Variants in ACSL6 observed in about 807,000 individuals in gnomAD.
ACSL6 encodes the protein long-chain-fatty-acid--CoA ligase 6.
A neutral mutation model predicts 98.2 loss-of-function variants in ACSL6; 47 were observed. That is an observed-to-expected ratio of 0.48 (90% CI 0.38 to 0.61). ACSL6 has a LOEUF of 0.61. ACSL6 is among the 20% of genes least tolerant of loss of function. The probability of loss-of-function intolerance (pLI) is 0.00; values close to 1 mark genes in which losing one functional copy is unlikely to be tolerated. For synonymous variants in ACSL6, 362 were observed against 336.9 expected (o/e 1.07, Z -0.82); for missense variants, 761 against 913.4 (o/e 0.83, Z 2.15).
rs1251537381 is a variant in ACSL6 at position 131,952,499 on chromosome 5, A to C, written c.*1735T>G. On this transcript the variant is annotated 3_prime_UTR_variant, in exon 21 of 21. Coordinates refer to ENST00000651883, the MANE Select transcript of ACSL6 (RefSeq NM_001009185.3). ...ACTGCTTGGCATTCCTCCAAGGGAA[A>C]GGAGCTTCTAGACTACAAACACTGA... is the stretch of plus-strand genomic sequence containing the variant. The C allele has an allele frequency of 4.6e-6, 1 of 215,900 alleles. No individual in the cohort carries two copies. The highest frequency in any genetic ancestry group is 9.3e-6 in the Non-Finnish European group (1 of 107,296). 13.4% of individuals were successfully genotyped at this position (215,900 alleles called of 1,614,324 possible).
chr5:131,999,174 G>C (rs1754938622), intron 1 of ACSL6, among the ~76,000 whole-genome samples: 3 of 152,138 alleles, frequency 2.0e-5, no homozygotes, highest in Admixed American at 6.5e-5. Flanking sequence ...GTATTCCGGT[G>C]CTGAACTGAC....
intron 5 of ACSL6, 51 bp downstream of exon 5, chr5:131,989,356 C>A: frequency 1.3e-6 from 2 of 1,554,912 alleles, no homozygotes; most frequent in Middle Eastern, 1.7e-4. Flanking sequence ...TCCATGGCAG[C>A]CAACCCCTAC....
chr5:131,976,158 C>T, intron 10 of ACSL6: 1 of 985,402 alleles, frequency 1.0e-6, no homozygotes, highest in Non-Finnish European at 1.2e-6. Context: ...GCCAAGACAT[C>T]AAAGCTTTTT....
At chr5:131,995,201 T>C (rs1420164914) in intron 1 of ACSL6, among the ~76,000 whole-genome samples, 1 of 152,118 alleles carries the variant, frequency 6.6e-6, no homozygotes, top group Non-Finnish European at 1.5e-5. Flanking sequence ...GGAAGGTCTC[T>C]GTGAGAAGCA....
chr5:131,960,661 G>A, intron 18 of ACSL6, 40 bp from the exon 19 acceptor site: 2 of 1,510,882 alleles, frequency 1.3e-6, no homozygotes, highest in Non-Finnish European at 1.8e-6. Flanking sequence ...CATGACAAAT[G>A]CATTTAAAGT....
At chr5:131,959,428 G>T in intron 20 of ACSL6, 108 bp downstream of exon 20, 1 of 1,218,634 alleles carries the variant, frequency 8.2e-7, no homozygotes, top group East Asian at 2.4e-5. Flanking sequence ...GCCTGCTGGC[G>T]GGCCACACCA....
intron 2 of ACSL6, chr5:131,993,619 G>A (rs1212686533): frequency 4.4e-6 from 1 of 228,502 alleles, no homozygotes; most frequent in Non-Finnish European, 8.7e-6. Flanking sequence ...CCATGTGTGA[G>A]TCCATGTACT....
At chr5:131,990,016 G>A (rs1754419563) in intron 4 of ACSL6, 84 bp downstream of exon 4, 2 of 1,423,218 alleles carry the variant, frequency 1.4e-6, no homozygotes, top group East Asian at 4.6e-5. Context: ...CTGAGACCCA[G>A]CAGGTGCCCA....
At chr5:131,999,089 A>G (rs1754933429) in intron 1 of ACSL6, among the ~76,000 whole-genome samples, 1 of 152,218 alleles carries the variant, frequency 6.6e-6, no homozygotes, top group Non-Finnish European at 1.5e-5. Context: ...CTCTGAAAAG[A>G]AAACTACAAC....
At chr5:131,981,676 A>G (rs1753901207) in intron 9 of ACSL6, among the ~76,000 whole-genome samples, 1 of 152,216 alleles carries the variant, frequency 6.6e-6, no homozygotes. Flanking sequence ...CATTTGAATT[A>G]TTTCCAGATT....
chr5:131,969,518 C>T (rs970259141), intron 15 of ACSL6, among the ~76,000 whole-genome samples: 1 of 151,448 alleles, frequency 6.6e-6, no homozygotes, highest in Non-Finnish European at 1.5e-5. Flanking sequence ...AAGTTATGCA[C>T]AAAAGAAGTA....
At chr5:132,001,375 A>G (rs1450966993) in intron 1 of ACSL6, among the ~76,000 whole-genome samples, 1 of 152,108 alleles carries the variant, frequency 6.6e-6, no homozygotes, top group African/African-American at 2.4e-5. Flanking sequence ...CCCTCTCCAC[A>G]CAGGGATTCA....
At chr5:131,985,552 G>T in intron 8 of ACSL6, 94 bp from the exon 9 acceptor site, 1 of 1,292,980 alleles carries the variant, frequency 7.7e-7, no homozygotes, top group Non-Finnish European at 1.1e-6. Context: ...AGGCCCATAT[G>T]TATGCTGTAT....
chr5:131,992,974 C>T (rs748051991), intron 2 of ACSL6, among the ~76,000 whole-genome samples: 1 of 152,202 alleles, frequency 6.6e-6, no homozygotes, highest in South Asian at 2.1e-4. Context: ...AGAAACTGCC[C>T]AGGGCCATAC....
intron 1 of ACSL6, chr5:132,006,797 T>G (rs549508970): frequency 6.6e-6 from 1 of 152,316 alleles, no homozygotes; most frequent in South Asian, 2.1e-4. Flanking sequence ...CTCCTTCTAT[T>G]CCAGGCTGCA....
chr5:132,003,306 G>A (rs1039013055), intron 1 of ACSL6, among the ~76,000 whole-genome samples: 8 of 152,192 alleles, frequency 5.3e-5, no homozygotes, highest in Admixed American at 5.2e-4. Flanking sequence ...CGGCACAGCA[G>A]CTGCAGCCTT....
chr5:131,978,299 C>G (rs924186799), intron 9 of ACSL6, among the ~76,000 whole-genome samples: 2 of 152,124 alleles, frequency 1.3e-5, no homozygotes, highest in Non-Finnish European at 2.9e-5. Flanking sequence ...AGCAGGCAAC[C>G]CAAGGAAGGA....
At chr5:132,004,220 T>A (rs1471584443) in intron 1 of ACSL6, among the ~76,000 whole-genome samples, 1 of 133,676 alleles carries the variant, frequency 7.5e-6, no homozygotes, top group South Asian at 2.4e-4. Flanking sequence ...GCTTCTATCC[T>A]TTTTTTTTTT....
chr5:131,975,023 C>T lies in ACSL6; in HGVS notation c.991-53G>A, dbSNP rs764800040. 98 of 1,586,082 alleles carry T rather than the reference C, an allele frequency of 6.2e-5. 1 individual carries two copies. Among genetic ancestry groups the T allele is most frequent in the Non-Finnish European group, 7.9e-5 (92 of 1,163,890 alleles). On this transcript the variant is annotated intron_variant, in intron 10 of 20. Transcript: ENST00000651883. ...AAGGAAAGAAACACTGACAGGAAGACGACAAGAGAATCATAAAACAATAAA... is the reference window on the plus strand; with the variant it reads ...AAGGAAAGAAACACTGACAGGAAGATGACAAGAGAATCATAAAACAATAAA...
Sources: gnomAD v4.1 joint callset for allele counts (sites outside exome capture counted in the v4.1 genomes callset) on GRCh38, gnomAD v4.1.1 for gene constraint, MANE v1.5 for transcripts, NCBI Gene and HGNC (gene_info 2026-07-23, HGNC 2026-07-21) for gene names.